NFATC2: variants seen among roughly 807,000 people sequenced by gnomAD.
NFATC2 encodes nuclear factor of activated T-cells, cytoplasmic 2.
Under a neutral mutation model 87.3 loss-of-function variants are expected in NFATC2, and 22 were observed. That is an observed-to-expected ratio of 0.25 (90% CI 0.18 to 0.36). NFATC2 has a LOEUF of 0.36. NFATC2 is among the 10% of genes least tolerant of loss of function. NFATC2 has a pLI of 1.00. For missense variants in NFATC2, 1,149 were observed against 1,259.1 expected (o/e 0.91, Z 1.32); for synonymous variants, 565 against 542.2 (o/e 1.04, Z -0.58).
At chr20:51,517,407 G>A (rs1034576286) in intron 2 of NFATC2, among the ~76,000 whole-genome samples, 25 of 151,962 alleles carry the variant, frequency 1.6e-4, no homozygotes, top group African/African-American at 5.6e-4. Context: ...TGGGCAACAC[G>A]GAGAGACCCT....
intron 1 of NFATC2, among the ~76,000 whole-genome samples, chr20:51,560,359 G>C (rs1223625584): frequency 2.0e-5 from 3 of 152,154 alleles, no homozygotes; most frequent in Non-Finnish European, 4.4e-5. Flanking sequence ...GGGTTTGGGA[G>C]AGAACAAAGC....
At chr20:51,437,025 AACT>A (rs1436609964) in intron 6 of NFATC2, among the ~76,000 whole-genome samples, 1 of 151,898 alleles carries the variant, frequency 6.6e-6, no homozygotes, top group Non-Finnish European at 1.5e-5. Flanking sequence ...TGTCACTCAT[AACT>A]ACTGATGAAG....
chr20:51,435,094 A>C lies in NFATC2; in HGVS notation c.2032+94T>G. Reference sequence around the variant, plus strand: ...CTCAGAGAGGTTGAGTCATCTGTCCAAAGTTACCCGGCTAGGAGCAGACTT... The same window carrying C: ...CTCAGAGAGGTTGAGTCATCTGTCCCAAGTTACCCGGCTAGGAGCAGACTT... On this transcript the variant is annotated intron_variant, in intron 8 of 10. Transcript: ENST00000371564. 3 of 1,516,852 alleles carry C rather than the reference A, an allele frequency of 2.0e-6. No homozygotes were observed. The South Asian group carries it at 3.9e-5, about 20-fold the overall frequency. 94.0% of individuals were successfully genotyped at this position (1,516,852 alleles called of 1,614,324 possible).
rs147221241 is a variant in NFATC2, at chr20:51,538,079, C to T, written c.130+4291G>A. 1.2e-4 allele frequency among the ~76,000 whole-genome samples: 18 copies of T among 152,210 alleles called. No individual in the cohort carries two copies. The East Asian group carries it at 3.5e-3, about 29-fold the overall frequency. On this transcript the variant is annotated intron_variant, in intron 1 of 10. Coordinates refer to ENST00000371564, the MANE Select transcript of NFATC2 (RefSeq NM_012340.5). ...ATCACAGCTTTAGAGACCAGGGAGT[C>T]CCAGGGAGACAGAAATTATTCCTGA...
At chr20:51,551,396 A>C (rs2076931172) in intron 1 of NFATC2, among the ~76,000 whole-genome samples, 1 of 152,016 alleles carries the variant, frequency 6.6e-6, no homozygotes, top group Admixed American at 6.6e-5. Flanking sequence ...GTCTTTATTT[A>C]ACATTTTTAT....
chr20:51,503,792 C>T (rs2076130959), intron 3 of NFATC2, among the ~76,000 whole-genome samples: 1 of 152,222 alleles, frequency 6.6e-6, no homozygotes, highest in South Asian at 2.1e-4. Flanking sequence ...ATGACAAAAG[C>T]CTGAACAACC....
At chr20:51,404,427 A>G (rs886610597) in intron 9 of NFATC2, among the ~76,000 whole-genome samples, 6 of 152,242 alleles carry the variant, frequency 3.9e-5, no homozygotes, top group Non-Finnish European at 7.3e-5. Flanking sequence ...AAGGCACATC[A>G]TAAGAACTCT....
At chr20:51,413,085 T>C (rs1395812491) in intron 9 of NFATC2, among the ~76,000 whole-genome samples, 1 of 149,976 alleles carries the variant, frequency 6.7e-6, no homozygotes, top group African/African-American at 2.5e-5. Context: ...ATCCTTTCCA[T>C]GGCACTCGGG....
At chr20:51,545,908 A>G (rs570539771), upstream of NFATC2, among the ~76,000 whole-genome samples, 2 of 152,348 alleles carry the variant, frequency 1.3e-5, no homozygotes, top group South Asian at 2.1e-4. Flanking sequence ...CCATTAATCA[A>G]TGGAAGAGTA....
At chr20:51,465,410 G>A (rs1987585975) in intron 5 of NFATC2, among the ~76,000 whole-genome samples, 1 of 152,080 alleles carries the variant, frequency 6.6e-6, no homozygotes, top group African/African-American at 2.4e-5. Flanking sequence ...ATCACATCAT[G>A]TCAACCTCCT....
intron 3 of NFATC2, among the ~76,000 whole-genome samples, chr20:51,485,712 G>T (rs1020668392): frequency 6.6e-6 from 1 of 152,046 alleles, no homozygotes; most frequent in South Asian, 2.1e-4. Flanking sequence ...ACATCTCCAG[G>T]CCTCAGTTTC....
intron 6 of NFATC2, among the ~76,000 whole-genome samples, chr20:51,438,515 T>C (rs1276932942): frequency 2.0e-5 from 3 of 150,158 alleles, no homozygotes; most frequent in Non-Finnish European, 4.4e-5. Context: ...TAGCTGGAAA[T>C]GTGGTCAGGA....
intron 3 of NFATC2, among the ~76,000 whole-genome samples, chr20:51,503,804 G>A (rs2146639127): frequency 6.6e-6 from 1 of 152,316 alleles, no homozygotes; most frequent in Admixed American, 6.5e-5. Context: ...TGAACAACCT[G>A]ATGAAGAAAC....
At chr20:51,405,908 T>C (rs921953086) in intron 9 of NFATC2, among the ~76,000 whole-genome samples, 30 of 152,236 alleles carry the variant, frequency 2.0e-4, no homozygotes, top group African/African-American at 6.0e-4. Flanking sequence ...TCCTGAGTAG[T>C]TGGGATTACA....
At chr20:51,537,589 TC>T (rs2076741244) in intron 1 of NFATC2, among the ~76,000 whole-genome samples, 3 of 152,284 alleles carry the variant, frequency 2.0e-5, no homozygotes, top group Admixed American at 2.0e-4. Flanking sequence ...TAACTGGAGA[TC>T]CGGCATCTCT....
chr20:51,513,510 A>G (rs2076304432), intron 3 of NFATC2, among the ~76,000 whole-genome samples: 1 of 152,166 alleles, frequency 6.6e-6, no homozygotes, highest in Non-Finnish European at 1.5e-5. Context: ...CAAACAAACA[A>G]AGTCACATGC....
At chr20:51,489,711 A>G (rs1385911891) in intron 3 of NFATC2, among the ~76,000 whole-genome samples, 1 of 152,250 alleles carries the variant, frequency 6.6e-6, no homozygotes, top group African/African-American at 2.4e-5. Context: ...CTGAAAAGCC[A>G]GTGCCAAAAG....
chr20:51,492,428 G>A (rs1227921567), intron 3 of NFATC2, among the ~76,000 whole-genome samples: 3 of 152,220 alleles, frequency 2.0e-5, no homozygotes, highest in Non-Finnish European at 2.9e-5. Flanking sequence ...CGCCTGCTGC[G>A]CTAAACGTCA....
upstream of NFATC2, among the ~76,000 whole-genome samples, chr20:51,547,457 T>G (rs2076898565): frequency 6.6e-6 from 1 of 152,118 alleles, no homozygotes; most frequent in Non-Finnish European, 1.5e-5. Context: ...CCAAGGTGGC[T>G]CTGCGTCCCC....
Sources: allele counts gnomAD v4.1 joint callset (sites outside exome capture counted in the v4.1 genomes callset), GRCh38; gene constraint gnomAD v4.1.1; transcripts MANE v1.5; gene names NCBI Gene and HGNC (gene_info 2026-07-23, HGNC 2026-07-21).